The following KLF8 variants were observed in gnomAD, a reference collection of about 807,000 sequenced individuals.
The protein encoded by KLF8 is Krueppel-like factor 8.
A neutral mutation model predicts 18.2 loss-of-function variants in KLF8; 10 were observed. That is an observed-to-expected ratio of 0.55 (90% confidence interval 0.34 to 0.93). KLF8 has a LOEUF of 0.93. KLF8 is among the 40% of genes least tolerant of loss of function. The pLI is 0.02. For synonymous variants in KLF8, 109 were observed against 97.3 expected (o/e 1.12, Z -0.71); for missense variants, 264 against 277.9 (o/e 0.95, Z 0.36).
At chrX:56,274,855 T>C (rs1360078492) in intron 5 of KLF8, among the ~76,000 whole-genome samples, 3 of 112,103 alleles carry the variant, frequency 2.7e-5, no homozygotes, top group Non-Finnish European at 5.6e-5. Flanking sequence ...TCTGTTCCAC[T>C]GATCAGTGTG....
At chrX:56,091,617 C>T in the KLF8 span, among the ~76,000 whole-genome samples, 3 of 111,108 alleles carry the variant, frequency 2.7e-5, no homozygotes, top group East Asian at 8.5e-4. Flanking sequence ...CTGCCTCAGC[C>T]TCCTGAGTAG....
At chrX:56,165,121 A>G in the KLF8 span, among the ~76,000 whole-genome samples, 6 of 109,793 alleles carry the variant, frequency 5.5e-5, no homozygotes, top group Admixed American at 2.0e-4. Flanking sequence ...CATGGTGTAT[A>G]TGTGCCACAT....
the KLF8 span, among the ~76,000 whole-genome samples, chrX:56,004,548 G>T: frequency 8.9e-6 from 1 of 111,946 alleles, no homozygotes; most frequent in Non-Finnish European, 1.9e-5. Flanking sequence ...ATTAGAGAGA[G>T]CCACTGGACA....
chrX:56,166,038 C>G, the KLF8 span, among the ~76,000 whole-genome samples: 2 of 110,571 alleles, frequency 1.8e-5, no homozygotes, highest in Non-Finnish European at 1.9e-5. Flanking sequence ...ATTTGAATAA[C>G]CACAATTTGC....
the KLF8 span, among the ~76,000 whole-genome samples, chrX:55,927,513 C>T: frequency 1.8e-5 from 2 of 111,677 alleles, no homozygotes; most frequent in Admixed American, 1.9e-4. Flanking sequence ...TTCAACCCCC[C>T]ATTCCTCACC....
the KLF8 span, among the ~76,000 whole-genome samples, chrX:56,079,923 G>A: frequency 9.0e-6 from 1 of 110,980 alleles, no homozygotes; most frequent in African/African-American, 3.3e-5. Flanking sequence ...TGTCTCTTTT[G>A]ATCTTTGTTG....
chrX:56,045,911 G>A, the KLF8 span, among the ~76,000 whole-genome samples: 5 of 111,657 alleles, frequency 4.5e-5, no homozygotes, highest in Middle Eastern at 4.6e-3. Context: ...AGCAGGCATC[G>A]TTGTCTCTTC....
the KLF8 span, among the ~76,000 whole-genome samples, chrX:56,179,287 CTGTT>C: frequency 9.0e-6 from 1 of 111,662 alleles, no homozygotes; most frequent in Non-Finnish European, 1.9e-5. Context: ...ATTTAGCTCT[CTGTT>C]TGTCTGTTAT....
At chrX:55,919,834 C>T in the KLF8 span, among the ~76,000 whole-genome samples, 81 of 111,682 alleles carry the variant, frequency 7.3e-4, no homozygotes, top group African/African-American at 2.6e-3. Context: ...CTCTGTGGCC[C>T]TGCCTGCTGC....
the KLF8 span, among the ~76,000 whole-genome samples, chrX:55,967,976 A>G: frequency 9.0e-6 from 1 of 111,678 alleles, no homozygotes; most frequent in African/African-American, 3.3e-5. Flanking sequence ...GGATTTTAAG[A>G]TAGTATTTGC....
At chrX:56,042,306 T>G in the KLF8 span, among the ~76,000 whole-genome samples, 15 of 112,012 alleles carry the variant, frequency 1.3e-4, no homozygotes, top group East Asian at 3.6e-3. Context: ...TATGATGAAT[T>G]TTTTAGTAAG....
chrX:56,266,717 G>T (rs937900810), intron 3 of KLF8: 397 of 751,818 alleles, frequency 5.3e-4, no homozygotes, highest in Non-Finnish European at 6.1e-4. Context: ...GGCCTCTAAA[G>T]CAGGCTGATA....
the KLF8 span, among the ~76,000 whole-genome samples, chrX:56,145,349 T>C: frequency 1.8e-5 from 2 of 111,926 alleles, no homozygotes; most frequent in Non-Finnish European, 3.8e-5. Context: ...CATCCACTGA[T>C]GTTGGGAAAG....
At chrX:56,070,192 G>A in the KLF8 span, among the ~76,000 whole-genome samples, 2 of 111,049 alleles carry the variant, frequency 1.8e-5, no homozygotes, top group African/African-American at 3.3e-5. Context: ...ATTAGTGGGA[G>A]TTGAAAAAGA....
At chrX:55,988,121 T>C in the KLF8 span, among the ~76,000 whole-genome samples, 7 of 111,857 alleles carry the variant, frequency 6.3e-5, no homozygotes, top group African/African-American at 1.9e-4. Flanking sequence ...AGATGAGTAG[T>C]TTGCAAAAAT....
chrX:56,183,203 G>C, the KLF8 span, among the ~76,000 whole-genome samples: 1 of 111,892 alleles, frequency 8.9e-6, no homozygotes, highest in African/African-American at 3.2e-5. Flanking sequence ...CTGCCACCTT[G>C]CAGTTCGATC....
the KLF8 span, among the ~76,000 whole-genome samples, chrX:56,033,162 C>T: frequency 1.6e-3 from 174 of 111,541 alleles, 1 homozygote; most frequent in African/African-American, 5.5e-3. Flanking sequence ...CCTGTACCTT[C>T]TTAGCAACAT....
chrX:55,996,526 G>T, the KLF8 span, among the ~76,000 whole-genome samples: 22 of 111,978 alleles, frequency 2.0e-4, no homozygotes, highest in African/African-American at 7.2e-4. Flanking sequence ...ATGTCCTTTA[G>T]ATAGGGCTTT....
chrX:55,948,126 C>A, the KLF8 span, among the ~76,000 whole-genome samples: 1 of 112,047 alleles, frequency 8.9e-6, no homozygotes, highest in African/African-American at 3.2e-5. Context: ...TTAACTAGTT[C>A]ATTTTCTTTT....
Sources: allele counts gnomAD v4.1 joint callset (sites outside exome capture counted in the v4.1 genomes callset), GRCh38; gene constraint gnomAD v4.1.1; transcripts MANE v1.5; gene names NCBI Gene and HGNC (gene_info 2026-07-23, HGNC 2026-07-21).